Variants in BAIAP2L1 observed in about 807,000 individuals in gnomAD.
The protein encoded by BAIAP2L1 is BAR/IMD domain containing adaptor protein 2 like 1.
BAIAP2L1 carries 35 observed loss-of-function variants against 66.3 expected under a neutral mutation model. The observed-to-expected ratio is 0.53, with a 90% CI of 0.40 to 0.70. The LOEUF (loss-of-function observed/expected upper bound fraction) is 0.70, where lower values mean the gene tolerates loss of function less well. Among genes scored for constraint, BAIAP2L1 ranks in the 30% least tolerant of loss-of-function variants. The pLI is 0.00. For missense variants in BAIAP2L1, 622 were observed against 656.9 expected (o/e 0.95, Z 0.58); for synonymous variants, 269 against 248.7 (o/e 1.08, Z -0.77).
rs1303275506 is a variant in BAIAP2L1 at position 98,328,163 on chromosome 7, A to G, written c.215-7865T>C. Among the ~76,000 whole-genome samples, 4 of 152,174 alleles carry G rather than the reference A, an allele frequency of 2.6e-5. No homozygotes were observed. In the South Asian group the frequency reaches 6.2e-4, roughly 24 times the overall value. On this transcript the variant is annotated intron_variant, in intron 3 of 13. Transcript: ENST00000005260. ...AAGCGACTGCTGACCTCTGAGTAAT[A>G]GAATACAAGATCTTTAGGAAGAAGA...
intron 1 of BAIAP2L1, among the ~76,000 whole-genome samples, chr7:98,387,448 T>A (rs1802921966): frequency 6.6e-6 from 1 of 152,160 alleles, no homozygotes; most frequent in Non-Finnish European, 1.5e-5. Context: ...ACGATCTCAG[T>A]GCCACCAAAG....
chr7:98,375,579 A>G (rs1802607063), intron 1 of BAIAP2L1, among the ~76,000 whole-genome samples: 1 of 150,976 alleles, frequency 6.6e-6, no homozygotes, highest in Admixed American at 6.6e-5. Flanking sequence ...GAGAAACCCC[A>G]TCTCTACTAA....
intron 5 of BAIAP2L1, 86 bp from the exon 6 acceptor site, chr7:98,317,442 G>A (rs988131873): frequency 1.3e-6 from 2 of 1,535,834 alleles, no homozygotes; most frequent in Non-Finnish European, 1.8e-6. Context: ...TCCACTGTGT[G>A]TGGCTCAACG....
intron 9 of BAIAP2L1, 24 bp from the exon 10 acceptor site, chr7:98,307,920 A>AT: frequency 6.2e-7 from 1 of 1,611,492 alleles, no homozygotes; most frequent in South Asian, 1.1e-5. Context: ...TGTAGCAGTA[A>AT]TGGCTTTTCA....
intron 7 of BAIAP2L1, among the ~76,000 whole-genome samples, chr7:98,315,014 CA>C (rs1286509041): frequency 3.2e-4 from 49 of 152,318 alleles, no homozygotes; most frequent in African/African-American, 1.2e-3. Flanking sequence ...TTTATATGTT[CA>C]AGTTGGCCAA....
At chr7:98,324,724 C>A (rs573501051) in intron 3 of BAIAP2L1, among the ~76,000 whole-genome samples, 1 of 152,150 alleles carries the variant, frequency 6.6e-6, no homozygotes, top group Non-Finnish European at 1.5e-5. Flanking sequence ...CTTCATGGAA[C>A]ATGCCTGTAG....
intron 1 of BAIAP2L1, among the ~76,000 whole-genome samples, chr7:98,394,182 G>C (rs1205675596): frequency 6.6e-6 from 1 of 152,112 alleles, no homozygotes; most frequent in Non-Finnish European, 1.5e-5. Context: ...GGCGGAGCTT[G>C]CAGTGAGCAG....
intron 2 of BAIAP2L1, among the ~76,000 whole-genome samples, chr7:98,357,975 A>G (rs1400259856): frequency 6.6e-6 from 1 of 152,222 alleles, no homozygotes; most frequent in Admixed American, 6.5e-5. Context: ...CCTAAAAACA[A>G]GGTGTGTAGC....
At chr7:98,306,128 G>A (rs914333983) in intron 11 of BAIAP2L1, among the ~76,000 whole-genome samples, 5 of 152,190 alleles carry the variant, frequency 3.3e-5, no homozygotes, top group African/African-American at 1.2e-4. Context: ...TAAGATAAGT[G>A]TAAGATAAGG....
intron 1 of BAIAP2L1, among the ~76,000 whole-genome samples, chr7:98,390,084 T>A (rs1418346902): frequency 6.6e-6 from 1 of 151,732 alleles, no homozygotes; most frequent in African/African-American, 2.4e-5. Flanking sequence ...CCCGGCTAAT[T>A]TTGTGTATTT....
intron 3 of BAIAP2L1, among the ~76,000 whole-genome samples, chr7:98,324,036 G>A (rs576160046): frequency 1.3e-5 from 2 of 152,148 alleles, no homozygotes; most frequent in East Asian, 1.9e-4. Context: ...AAAAAAACCC[G>A]GAGGGTGGGG....
rs778736674 is a variant in BAIAP2L1 at position 98,400,876 on chromosome 7, G to A, written c.-24C>T. 21 of 1,535,004 alleles carry A rather than the reference G, an allele frequency of 1.4e-5. No homozygotes were observed. Among genetic ancestry groups the A allele is most frequent in the African/African-American group, 2.8e-5 (2 of 70,816 alleles). On this transcript the variant is annotated 5_prime_UTR_variant, in exon 1 of 14. Transcript: ENST00000005260. ...ATGGCTGCGGCCGCCGGGCGAGCAA[G>A]CGCGGGAGGACGCGGCTGGGCCTCG...
intron 1 of BAIAP2L1, among the ~76,000 whole-genome samples, chr7:98,387,313 G>T (rs895226566): frequency 3.3e-5 from 5 of 152,120 alleles, no homozygotes; most frequent in Admixed American, 3.3e-4. Context: ...GTTTCTGGTG[G>T]TAACCATGGT....
intron 12 of BAIAP2L1, among the ~76,000 whole-genome samples, chr7:98,298,462 ACTTAG>A (rs1821603776): frequency 6.6e-6 from 1 of 151,940 alleles, no homozygotes; most frequent in South Asian, 2.1e-4. Context: ...AATACAAAAA[ACTTAG>A]CCAGGCGTAG....
At chr7:98,385,661 G>A (rs938834880) in intron 1 of BAIAP2L1, 2 of 716,084 alleles carry the variant, frequency 2.8e-6, no homozygotes, top group Non-Finnish European at 4.6e-6. Context: ...CAAGCTGCCT[G>A]CTTCAGCCTC....
intron 12 of BAIAP2L1, among the ~76,000 whole-genome samples, chr7:98,301,469 T>A (rs936073715): frequency 8.1e-6 from 1 of 123,026 alleles, no homozygotes; most frequent in Non-Finnish European, 1.8e-5. Context: ...TAGCTTTTTT[T>A]TTTTGGTATA....
intron 3 of BAIAP2L1, among the ~76,000 whole-genome samples, chr7:98,348,580 AAAAAAAG>A (rs1184794980): frequency 6.0e-5 from 9 of 150,772 alleles, no homozygotes; most frequent in African/African-American, 2.0e-4. Flanking sequence ...AAAAAAAAAA[AAAAAAAG>A]AAAGAAAGAA....
At chr7:98,346,799 A>T (rs1165834296) in intron 3 of BAIAP2L1, among the ~76,000 whole-genome samples, 1 of 152,214 alleles carries the variant, frequency 6.6e-6, no homozygotes, top group Admixed American at 6.6e-5. Context: ...ATGAAATGGG[A>T]AAAGTAGCAA....
At chr7:98,354,949 CT>C in intron 3 of BAIAP2L1, 92 bp downstream of exon 3, 1 of 905,288 alleles carries the variant, frequency 1.1e-6, no homozygotes, top group Non-Finnish European at 1.8e-6. Context: ...GCCCAGATCT[CT>C]CCTCTGTTCT....
Sources: allele counts gnomAD v4.1 joint callset (sites outside exome capture counted in the v4.1 genomes callset), GRCh38; gene constraint gnomAD v4.1.1; transcripts MANE v1.5; gene names NCBI Gene and HGNC (gene_info 2026-07-23, HGNC 2026-07-21).